TTK: variants seen among roughly 807,000 people sequenced by gnomAD.
TTK encodes TTK protein kinase, also known as dual specificity protein kinase TTK.
Under a neutral mutation model 117.3 loss-of-function variants are expected in TTK, and 59 were observed. The ratio of observed to expected loss-of-function variants is 0.50; its 90% CI spans 0.41 to 0.62. The LOEUF (loss-of-function observed/expected upper bound fraction) is 0.62, where lower values mean the gene tolerates loss of function less well. Among genes scored for constraint, TTK ranks in the 20% least tolerant of loss-of-function variants. TTK has a pLI of 0.00. For synonymous variants in TTK, 302 were observed against 325.0 expected, an observed-to-expected ratio of 0.93 and a Z score of 0.76; for missense variants, 921 against 989.4, an observed-to-expected ratio of 0.93 and a Z score of 0.93.
At chr6:80,031,605 CT>C in intron 14 of TTK, 46 bp downstream of exon 14, 1 of 1,394,408 alleles carries the variant, frequency 7.2e-7, no homozygotes. Context: ...ATATTTTAAA[CT>C]TTCTGTTTTT....
At chr6:80,033,867 A>C (rs1441058007) in intron 14 of TTK, among the ~76,000 whole-genome samples, 2 of 152,164 alleles carry the variant, frequency 1.3e-5, no homozygotes, top group African/African-American at 2.4e-5. Flanking sequence ...TTACTTGGTT[A>C]ATATTTATTA....
At chr6:80,036,794 A>G (rs757852744) in intron 17 of TTK, among the ~76,000 whole-genome samples, 195 bp downstream of exon 17, 15 of 152,280 alleles carry the variant, frequency 9.9e-5, no homozygotes, top group Non-Finnish European at 1.9e-4. Flanking sequence ...TCAAATAGTA[A>G]TATCTCCAGC....
Position 80,039,722 on chromosome 6 carries a change from C to T in TTK, c.2157C>T (p.Ser719=). The T allele has an allele frequency of 2.0e-6, 3 of 1,535,806 alleles. No individual in the cohort carries two copies. The highest frequency in any genetic ancestry group is 2.6e-6 in the Non-Finnish European group (3 of 1,144,978). The change falls in exon 19 of 22, where the codon TCC becomes TCT. Residue 719 remains serine, a synonymous_variant. Coordinates refer to ENST00000369798, the MANE Select transcript of TTK (RefSeq NM_003318.5). ...TAAGCCCCAAAAGTGATGTTTGGTC[C>T]TTAGGATGTATTTTGTACTATATGA... ...SKISPKSDVW[S]LGCILYYMTY...
chr6:80,040,929 T>C (rs1417436878), intron 21 of TTK, among the ~76,000 whole-genome samples: 1 of 151,818 alleles, frequency 6.6e-6, no homozygotes, highest in African/African-American at 2.4e-5. Flanking sequence ...TCACATAAGG[T>C]GCATTCAAAA....
chr6:80,026,608 C>T, intron 12 of TTK, 94 bp downstream of exon 12: 1 of 1,523,656 alleles, frequency 6.6e-7, no homozygotes, highest in South Asian at 1.3e-5. Flanking sequence ...AAATCCTGCT[C>T]TTTTACTTTA....
chr6:80,011,217 G>C (rs1387320470), intron 5 of TTK, among the ~76,000 whole-genome samples: 2 of 151,198 alleles, frequency 1.3e-5, no homozygotes, highest in African/African-American at 4.9e-5. Flanking sequence ...TGGAAATAGA[G>C]AATGTGCTTT....
At position 80,010,884 on chromosome 6, in the gene TTK, G is replaced by A; in HGVS notation, c.540G>A (p.Leu180=). 1 of 1,612,242 alleles carries A rather than the reference G, an allele frequency of 6.2e-7. No individual in the cohort carries two copies. Among genetic ancestry groups the A allele is most frequent in the Non-Finnish European group, 8.5e-7 (1 of 1,178,762 alleles). ...GTGGAGCAGTACCACTAGAAATGCT[G>A]GAAATTGCCCTGCGGAATTTAAACC... The part of the protein sequence containing the change: ...VERGAVPLEM[L]EIALRNLNLQ... The change falls in exon 5 of 22, where the codon CTG becomes CTA. Residue 180 remains leucine (L), a synonymous_variant. Transcript: ENST00000369798.
rs373433815 is a variant in TTK, at chr6:80,028,015, C to T, written c.1521+4C>T. 4.0e-4 allele frequency: 643 copies of T among 1,595,996 alleles called. 3 individuals carry two copies. Among genetic ancestry groups the T allele is most frequent in the East Asian group, 1.1e-4 (5 of 44,038 alleles). ...CACTCCACTTCAAAATTTACAGGTT[C>T]GATAAGCTTTATATATGATGGTATA... On this transcript the variant is annotated splice_donor_region_variant and intron_variant, in intron 13 of 21. Coordinates refer to ENST00000369798, the MANE Select transcript of TTK (RefSeq NM_003318.5).
intron 10 of TTK, among the ~76,000 whole-genome samples, chr6:80,020,547 T>A (rs1274858512): frequency 6.6e-6 from 1 of 152,240 alleles, no homozygotes; most frequent in African/African-American, 2.4e-5. Context: ...AGTTAAAGAT[T>A]AACCATTTGA....
At chr6:80,006,315 T>G (rs1357919021) in intron 2 of TTK, 2 of 281,502 alleles carry the variant, frequency 7.1e-6, no homozygotes, top group African/African-American at 4.5e-5. Context: ...ATTTGAATGG[T>G]GACCTTTGGA....
Position 80,013,781 on chromosome 6 carries a change from A to G in TTK, c.984+415A>G, listed in dbSNP as rs373569144. 1.1e-3 allele frequency among the ~76,000 whole-genome samples: 171 copies of G among 152,170 alleles called. 1 individual carries two copies. Among genetic ancestry groups the G allele is most frequent in the African/African-American group, 3.5e-3 (146 of 41,522 alleles). ...TGAGTTAGGGCAGAGGTGAGGACAT[A>G]AATAATCCTGACCTCCTGACATGGC... On this transcript the variant is annotated intron_variant, in intron 9 of 21. Transcript: ENST00000369798.
At chr6:80,010,665 A>G in intron 4 of TTK, 149 bp from the exon 5 acceptor site, 1 of 760,892 alleles carries the variant, frequency 1.3e-6, no homozygotes, top group South Asian at 2.7e-5. Flanking sequence ...TTACTTGCCT[A>G]TGAAATAAAA....
intron 17 of TTK, 65 bp from the exon 18 acceptor site, chr6:80,037,900 CAA>C: frequency 2.5e-6 from 2 of 808,742 alleles, no homozygotes; most frequent in Admixed American, 3.8e-5. Context: ...ATAATAATCT[CAA>C]AAAAAAATCT....
chr6:80,028,116 C>T (rs1767654760), intron 13 of TTK, 105 bp downstream of exon 13: 4 of 1,271,864 alleles, frequency 3.1e-6, no homozygotes, highest in East Asian at 2.7e-5. Flanking sequence ...AGAACTTGGC[C>T]ATTCTTATTT....
chr6:80,021,197 G>C (rs1438208641), intron 10 of TTK, among the ~76,000 whole-genome samples: 1 of 152,196 alleles, frequency 6.6e-6, no homozygotes, highest in Non-Finnish European at 1.5e-5. Flanking sequence ...TGCCACAAAG[G>C]GAAGGGAAGG....
At chr6:80,028,038 A>G (rs550892528) in intron 13 of TTK, 27 bp downstream of exon 13, 2 of 1,565,766 alleles carry the variant, frequency 1.3e-6, no homozygotes, top group Non-Finnish European at 1.7e-6. Context: ...ATATGATGGT[A>G]TATGTTAAGA....
chr6:80,024,786 A>G (rs1239352869), intron 11 of TTK, among the ~76,000 whole-genome samples: 1 of 152,248 alleles, frequency 6.6e-6, no homozygotes, highest in Non-Finnish European at 1.5e-5. Flanking sequence ...CTGCTTGTCC[A>G]GCAGTCCCTT....
At position 80,040,204 on chromosome 6, in the gene TTK, A is replaced by G; in HGVS notation, c.2316A>G (p.Leu772=). The change falls in exon 20 of 22, where the codon TTA becomes TTG. Residue 772 remains leucine (L), a synonymous_variant. Coordinates refer to ENST00000369798, the MANE Select transcript of TTK (RefSeq NM_003318.5). The part of the protein sequence containing the change: ...KDLQDVLKCC[L]KRDPKQRISI... ...TATCTTTGTTTTAATAGTGTTGTTT[A>G]AAAAGGGACCCAAAACAGAGGATAT... 1 of 1,581,100 alleles carries G rather than the reference A, an allele frequency of 6.3e-7. No homozygotes were observed.
intron 4 of TTK, among the ~76,000 whole-genome samples, chr6:80,010,596 T>C (rs1767116216): frequency 6.6e-6 from 1 of 151,716 alleles, no homozygotes. Context: ...AAGGAAACTA[T>C]TTGGTATGCA....
Sources: allele counts gnomAD v4.1 joint callset (sites outside exome capture counted in the v4.1 genomes callset), GRCh38; gene constraint gnomAD v4.1.1; transcripts MANE v1.5; gene names NCBI Gene and HGNC (gene_info 2026-07-23, HGNC 2026-07-21).